XRCC5: variants seen among roughly 807,000 people sequenced by gnomAD.
XRCC5 encodes the protein DNA repair protein Ku80.
XRCC5 carries 12 observed loss-of-function variants against 95.7 expected under a neutral mutation model. The ratio of observed to expected loss-of-function variants is 0.13; its 90% confidence interval spans 0.08 to 0.20. XRCC5 has a LOEUF of 0.20. XRCC5 is among the 10% of genes least tolerant of loss of function. XRCC5 has a pLI of 1.00. For missense variants in XRCC5, 595 were observed against 873.9 expected (o/e 0.68, Z 4.02); for synonymous variants, 281 against 290.3 (o/e 0.97, Z 0.33).
intron 12 of XRCC5, among the ~76,000 whole-genome samples, chr2:216,140,063 A>C (rs1003132723): frequency 1.3e-5 from 2 of 152,236 alleles, no homozygotes; most frequent in African/African-American, 2.4e-5. Flanking sequence ...GAATGTTCAC[A>C]TGTACAAGTA....
At chr2:216,112,993 ACT>A in intron 1 of XRCC5, 21 bp from the exon 2 acceptor site, 2 of 1,582,340 alleles carry the variant, frequency 1.3e-6, no homozygotes, top group Non-Finnish European at 1.7e-6. Flanking sequence ...TTTCTCAAAC[ACT>A]CTTTGGAACT....
intron 5 of XRCC5, 89 bp downstream of exon 5, chr2:216,119,254 G>T: frequency 2.1e-6 from 3 of 1,457,286 alleles, no homozygotes; most frequent in Non-Finnish European, 2.8e-6. Flanking sequence ...TTGGTTTATG[G>T]GAATTTTCGC....
Position 216,137,229 on chromosome 2 carries a change from A to G in XRCC5, c.1251+4A>G. The G allele has an allele frequency of 6.2e-7, 1 of 1,611,256 alleles. No individual in the cohort carries two copies. Among genetic ancestry groups the G allele is most frequent in the Non-Finnish European group, 8.5e-7 (1 of 1,178,752 alleles). On this transcript the variant is annotated splice_donor_region_variant and intron_variant, in intron 11 of 20. Transcript: ENST00000392132. Reference sequence around the variant, plus strand: ...TCATATCAAGCATAACTATGAGGTAAAACCCAAAGTCTTAATGTTATTTTT... The same window carrying G: ...TCATATCAAGCATAACTATGAGGTAGAACCCAAAGTCTTAATGTTATTTTT...
chr2:216,180,728 A>AATC (rs1689369892), intron 16 of XRCC5, among the ~76,000 whole-genome samples: 2 of 152,142 alleles, frequency 1.3e-5, no homozygotes, highest in Non-Finnish European at 2.9e-5. Flanking sequence ...CAACCACCTA[A>AATC]GTGATGGCGT....
At chr2:216,164,841 T>C (rs572793544) in intron 16 of XRCC5, among the ~76,000 whole-genome samples, 6 of 152,278 alleles carry the variant, frequency 3.9e-5, no homozygotes, top group African/African-American at 9.6e-5. Context: ...TATCTGGCAT[T>C]ATTTCATGCA....
chr2:216,122,113 C>T lies in XRCC5; in HGVS notation c.543C>T (p.Gly181=). The T allele has an allele frequency of 6.2e-7, 1 of 1,614,080 alleles. No individual in the cohort carries two copies. Among genetic ancestry groups the T allele is most frequent in the Admixed American group, 1.7e-5 (1 of 60,010 alleles). Residue 181 remains glycine, a synonymous_variant, in exon 6 of 21, where the codon GGC becomes GGT. Transcript: ENST00000392132. ...KEDGSGDRGD[G]PFRLGGHGPS... ...ATGGAAGTGGGGACAGAGGAGATGG[C>T]CCCTTTCGCTTAGGTGGCCATGGGC... is the stretch of plus-strand genomic sequence containing the variant.
At chr2:216,127,780 G>A (rs1696920924) in intron 8 of XRCC5, 106 bp downstream of exon 8, 2 of 1,268,292 alleles carry the variant, frequency 1.6e-6, no homozygotes, top group Non-Finnish European at 2.1e-6. Flanking sequence ...ATTTCTTTGA[G>A]TTATAGAAAT....
In XRCC5 at chr2:216,148,191, C is replaced by A. The variant is rs1473492942; in HGVS notation, c.1585C>A (p.Pro529Thr). ...TGAGGTGACAACAAAAAGTCAGATT[C>A]CTCTCTCTAAAATAAAGACCCTTTT... is the stretch of plus-strand genomic sequence containing the variant. ...PAEVTTKSQI[P>T]LSKIKTLFPL... is the part of the protein sequence containing the mutation. The change falls in exon 14 of 21, where the codon CCT (proline) becomes ACT (threonine). Residue 529 changes from proline to threonine, a missense_variant. Physicochemically the swap from Pro to Thr is conservative, Grantham distance 38. Coordinates refer to ENST00000392132, the MANE Select transcript of XRCC5 (RefSeq NM_021141.4). 2 of 1,614,038 alleles carry A rather than the reference C, an allele frequency of 1.2e-6. No individual in the cohort carries two copies. Among genetic ancestry groups the A allele is most frequent in the Admixed American group, 3.3e-5 (2 of 60,000 alleles).
At chr2:216,121,950 C>T (rs577375648) in intron 5 of XRCC5, 112 bp from the exon 6 acceptor site, 1 of 968,258 alleles carries the variant, frequency 1.0e-6, no homozygotes, top group South Asian at 2.1e-5. Flanking sequence ...AGTCGTTTGA[C>T]AGATGAGAAA....
chr2:216,154,776 G>A (rs1485223351), intron 14 of XRCC5, among the ~76,000 whole-genome samples: 1 of 152,142 alleles, frequency 6.6e-6, no homozygotes. Flanking sequence ...ATTCCTTGAT[G>A]TCATCTTTGG....
In XRCC5 at chr2:216,197,318, G is replaced by T. The variant is rs1212081751; in HGVS notation, c.2109+2332G>T. ...AGATAATTCTGATATCAGAACTGATGTTAGTTGTAGTTTAAGACAACTCTC... is the reference window on the plus strand; with the variant it reads ...AGATAATTCTGATATCAGAACTGATTTTAGTTGTAGTTTAAGACAACTCTC... On this transcript the variant is annotated intron_variant, in intron 19 of 20. Coordinates refer to ENST00000392132, the MANE Select transcript of XRCC5 (RefSeq NM_021141.4). Among the ~76,000 whole-genome samples the T allele has an allele frequency of 3.3e-5, 5 of 152,180 alleles. No homozygotes were observed. In the South Asian group the frequency reaches 6.2e-4, roughly 19 times the overall value.
intron 19 of XRCC5, among the ~76,000 whole-genome samples, chr2:216,201,429 T>TA (rs1391456259): frequency 6.6e-6 from 1 of 152,170 alleles, no homozygotes; most frequent in African/African-American, 2.4e-5. Context: ...CTTTTAGTCT[T>TA]ATGGTGGTAT....
At chr2:216,171,428 T>C (rs888053304) in intron 16 of XRCC5, among the ~76,000 whole-genome samples, 5 of 152,256 alleles carry the variant, frequency 3.3e-5, no homozygotes, top group Non-Finnish European at 5.9e-5. Context: ...CCAGCTTAGA[T>C]GTCTTTGGAA....
chr2:216,192,836 A>G (rs1358019053), intron 18 of XRCC5, 101 bp downstream of exon 18: 1 of 797,266 alleles, frequency 1.3e-6, no homozygotes, highest in Non-Finnish European at 1.8e-6. Context: ...ACTGTATTGT[A>G]TAATGAGTTA....
rs188741062 is a variant in XRCC5, at chr2:216,201,067, A to G, written c.2110-3255A>G. ...AGGTATGGTAAGTAGTAGTATTCACATTTTGTTTTTGAGCGAAATTAGTTA... is the reference window on the plus strand; with the variant it reads ...AGGTATGGTAAGTAGTAGTATTCACGTTTTGTTTTTGAGCGAAATTAGTTA... On this transcript the variant is annotated intron_variant, in intron 19 of 20. Coordinates refer to ENST00000392132, the MANE Select transcript of XRCC5 (RefSeq NM_021141.4). Among the ~76,000 whole-genome samples the G allele has an allele frequency of 3.8e-3, 573 of 152,316 alleles. 2 individuals carry two copies. The highest frequency in any genetic ancestry group is 0.013 in the African/African-American group (535 of 41,570).
intron 16 of XRCC5, among the ~76,000 whole-genome samples, chr2:216,187,988 CT>C (rs1689539546): frequency 6.6e-6 from 1 of 151,918 alleles, no homozygotes; most frequent in African/African-American, 2.4e-5. Context: ...AGGAGCCACG[CT>C]GTACCCCTAC....
intron 16 of XRCC5, among the ~76,000 whole-genome samples, chr2:216,168,821 G>A (rs1277045222): frequency 6.6e-6 from 1 of 152,214 alleles, no homozygotes; most frequent in East Asian, 1.9e-4. Context: ...GTTACAGTAA[G>A]TATTATTATC....
chr2:216,180,337 G>A (rs1243833013), intron 16 of XRCC5, among the ~76,000 whole-genome samples: 3 of 152,150 alleles, frequency 2.0e-5, no homozygotes, highest in East Asian at 1.9e-4. Context: ...AGAATAATTC[G>A]TGGAGGGGCC....
intron 9 of XRCC5, 142 bp downstream of exon 9, chr2:216,131,129 T>G (rs1047370776): frequency 1.4e-6 from 2 of 1,414,862 alleles, no homozygotes; most frequent in Non-Finnish European, 9.2e-7. Context: ...AATGTTGCCA[T>G]GGTATGTATT....
Sources: allele counts gnomAD v4.1 joint callset (sites outside exome capture counted in the v4.1 genomes callset), GRCh38; gene constraint gnomAD v4.1.1; transcripts MANE v1.5; gene names NCBI Gene and HGNC (gene_info 2026-07-23, HGNC 2026-07-21).